SEL1L2: variants seen among roughly 807,000 people sequenced by gnomAD.
SEL1L2 encodes SEL1L2 adaptor subunit of SYVN1 ubiquitin ligase.
Under a neutral mutation model 98.8 loss-of-function variants are expected in SEL1L2, and 89 were observed. The ratio of observed to expected loss-of-function variants is 0.90; its 90% CI spans 0.76 to 1.07. The LOEUF is 1.07. Ranked by LOEUF, SEL1L2 falls within the 50% of genes least tolerant of loss-of-function variation. The pLI is 0.00. For missense variants in SEL1L2, 788 were observed against 812.0 expected (o/e 0.97, Z 0.36); for synonymous variants, 262 against 278.5 (o/e 0.94, Z 0.59).
intron 1 of SEL1L2, among the ~76,000 whole-genome samples, chr20:13,989,215 T>C (rs1199339226): frequency 2.6e-5 from 4 of 152,202 alleles, no homozygotes; most frequent in Non-Finnish European, 5.9e-5. Flanking sequence ...TAAAATTTAT[T>C]CTTAAGTAGT....
intron 5 of SEL1L2, among the ~76,000 whole-genome samples, chr20:13,889,295 T>C (rs887127228): frequency 6.6e-6 from 1 of 152,076 alleles, no homozygotes; most frequent in Non-Finnish European, 1.5e-5. Context: ...CATTGTTAAT[T>C]TATTTTTTAT....
At chr20:13,922,779 G>A (rs985744002) in intron 3 of SEL1L2, among the ~76,000 whole-genome samples, 35 of 152,212 alleles carry the variant, frequency 2.3e-4, no homozygotes, top group Middle Eastern at 3.4e-3. Flanking sequence ...CAAAATACTG[G>A]AATGTGCTAT....
At chr20:13,859,495 G>A in intron 17 of SEL1L2, 61 bp from the exon 18 acceptor site, 1 of 1,404,444 alleles carries the variant, frequency 7.1e-7, no homozygotes. Flanking sequence ...TAGTTCTCAG[G>A]AATTCAACCT....
At chr20:13,859,729 T>G (rs1402321278) in intron 17 of SEL1L2, among the ~76,000 whole-genome samples, 2 of 152,192 alleles carry the variant, frequency 1.3e-5, no homozygotes, top group Admixed American at 1.3e-4. Context: ...AGACAGAGTT[T>G]CACTCTTGTC....
intron 3 of SEL1L2, among the ~76,000 whole-genome samples, chr20:13,921,097 T>C (rs1313663714): frequency 1.3e-5 from 2 of 152,208 alleles, no homozygotes; most frequent in African/African-American, 2.4e-5. Context: ...CATATACATA[T>C]GAGAAATGAT....
In SEL1L2 at chr20:13,871,883, T is replaced by C. The variant is rs1457386237; in HGVS notation, c.1105-1680A>G. 2.6e-5 allele frequency among the ~76,000 whole-genome samples: 4 copies of C among 152,192 alleles called. No individual in the cohort carries two copies. In the East Asian group the frequency reaches 5.8e-4, roughly 22 times the overall value. On this transcript the variant is annotated intron_variant, in intron 12 of 19. Coordinates refer to ENST00000284951, the MANE Select transcript of SEL1L2 (RefSeq NM_025229.2). The stretch of plus-strand genomic sequence containing the variant: ...TTCCTAGTATTTCTGCAGGAACTTA[T>C]GTTCTAATAAAAAGCTCTCCAAATT...
chr20:13,986,033 A>G (rs923698009), intron 1 of SEL1L2, among the ~76,000 whole-genome samples: 2 of 152,170 alleles, frequency 1.3e-5, no homozygotes, highest in Non-Finnish European at 2.9e-5. Flanking sequence ...TGATCTGTTC[A>G]TCAGTTGCTG....
At chr20:13,962,687 A>G (rs1210672777) in intron 1 of SEL1L2, among the ~76,000 whole-genome samples, 1 of 152,222 alleles carries the variant, frequency 6.6e-6, no homozygotes. Flanking sequence ...AAAAATCTCA[A>G]TTCTCTGAAG....
intron 5 of SEL1L2, among the ~76,000 whole-genome samples, chr20:13,893,861 A>C (rs1296758802): frequency 2.6e-5 from 4 of 152,352 alleles, no homozygotes; most frequent in Admixed American, 2.6e-4. Context: ...GAAACTAGAA[A>C]TCAACAGCAA....
chr20:13,887,662 A>T, intron 8 of SEL1L2, 107 bp downstream of exon 8: 1 of 717,918 alleles, frequency 1.4e-6, no homozygotes, highest in Non-Finnish European at 2.4e-6. Flanking sequence ...TTAAAAACGT[A>T]CACTTTTGAT....
At chr20:13,890,276 CA>C (rs2047149290) in intron 5 of SEL1L2, among the ~76,000 whole-genome samples, 1 of 152,004 alleles carries the variant, frequency 6.6e-6, no homozygotes, top group Non-Finnish European at 1.5e-5. Context: ...CTGACAGAGC[CA>C]GTATATTTTC....
chr20:13,908,180 C>A (rs552611743), intron 5 of SEL1L2, among the ~76,000 whole-genome samples: 1 of 105,754 alleles, frequency 9.5e-6, no homozygotes, highest in African/African-American at 3.7e-5. Context: ...TGTGGTGGTG[C>A]GAACACAGCT....
At chr20:13,854,474 G>A (rs978255822) in intron 18 of SEL1L2, among the ~76,000 whole-genome samples, 18 of 152,194 alleles carry the variant, frequency 1.2e-4, no homozygotes, top group African/African-American at 3.9e-4. Flanking sequence ...GTATGTTAAA[G>A]AGGTAATCTT....
intron 5 of SEL1L2, among the ~76,000 whole-genome samples, chr20:13,902,429 T>C (rs2047723260): frequency 6.6e-6 from 1 of 152,242 alleles, no homozygotes; most frequent in Non-Finnish European, 1.5e-5. Flanking sequence ...CCTGAAGTGA[T>C]GAATAAGTGT....
chr20:13,993,152 T>G (rs2052572349), upstream of SEL1L2, among the ~76,000 whole-genome samples: 1 of 152,190 alleles, frequency 6.6e-6, no homozygotes, highest in African/African-American at 2.4e-5. Flanking sequence ...GAAGGCCACT[T>G]AGGAAGTCTT....
In SEL1L2 at chr20:13,919,036, T is replaced by C. The variant is rs1324935613; in HGVS notation, c.371A>G (p.Gln124Arg). 6.2e-7 allele frequency: 1 copy of C among 1,611,442 alleles called. No homozygotes were observed. Among genetic ancestry groups the C allele is most frequent in the Non-Finnish European group, 8.5e-7 (1 of 1,178,718 alleles). The change falls in exon 4 of 20, where the codon CAA (glutamine) becomes CGA (arginine). Residue 124 changes from glutamine to arginine, a missense_variant. Gln to Arg is a conservative substitution (Grantham distance 43). Transcript: ENST00000284951. ...AAAGACTTACTCTTCTTTTTGTTTT[T>C]GGCTTTTAGACTGCTGGAGAACCTT... The part of the protein sequence containing the change: ...GIKVLQQSKS[Q>R]KQKEEAYLLF...
chr20:13,990,443 C>A, intron 1 of SEL1L2, 34 bp downstream of exon 1: 1 of 1,453,248 alleles, frequency 6.9e-7, no homozygotes, highest in African/African-American at 1.4e-5. Context: ...GAGAAGAGAC[C>A]CTCATAGAGA....
intron 10 of SEL1L2, among the ~76,000 whole-genome samples, chr20:13,881,849 G>C (rs2046716503): frequency 6.6e-6 from 1 of 152,154 alleles, no homozygotes; most frequent in African/African-American, 2.4e-5. Flanking sequence ...TGGCTCAAGT[G>C]GTGGTCTTCA....
chr20:13,910,724 C>T (rs1849434429), intron 5 of SEL1L2, among the ~76,000 whole-genome samples: 1 of 152,094 alleles, frequency 6.6e-6, no homozygotes, highest in South Asian at 2.1e-4. Context: ...TTCCTTAAAA[C>T]CAATAGCAAA....
Sources: gnomAD v4.1 joint callset for allele counts (sites outside exome capture counted in the v4.1 genomes callset) on GRCh38, gnomAD v4.1.1 for gene constraint, MANE v1.5 for transcripts, NCBI Gene and HGNC (gene_info 2026-07-23, HGNC 2026-07-21) for gene names.